Variants in VPS13B observed in about 807,000 individuals in gnomAD.
VPS13B encodes the protein vacuolar protein sorting 13 homolog B.
In VPS13B, 285 loss-of-function variants were observed where a neutral mutation model predicts 426.4. That is an observed-to-expected ratio of 0.67 (90% CI 0.61 to 0.74). VPS13B has a LOEUF of 0.74. Ranked by LOEUF, VPS13B falls within the 30% of genes least tolerant of loss-of-function variation. The pLI is 0.00. For missense variants in VPS13B, 4,537 were observed against 4,782.6 expected (o/e 0.95, Z 1.51); for synonymous variants, 1,676 against 1,676.4 (o/e 1.00, Z 0.01).
intron 13 of VPS13B, among the ~76,000 whole-genome samples, chr8:99,143,656 A>C (rs975291071): frequency 4.6e-5 from 7 of 152,236 alleles, no homozygotes; most frequent in African/African-American, 1.7e-4. Context: ...ACTCTAGAGT[A>C]GAGCATAATA....
At chr8:99,862,654 C>T (rs776968931) in intron 58 of VPS13B, among the ~76,000 whole-genome samples, 12 of 152,300 alleles carry the variant, frequency 7.9e-5, no homozygotes, top group South Asian at 2.1e-4. Flanking sequence ...GTGCCTTCCG[C>T]GCATCTGAGG....
At chr8:99,325,528 C>A (rs1252494981) in intron 19 of VPS13B, among the ~76,000 whole-genome samples, 2 of 152,194 alleles carry the variant, frequency 1.3e-5, no homozygotes, top group African/African-American at 4.8e-5. Context: ...ACCTCCCTAT[C>A]AAAGGCAATT....
In VPS13B at chr8:99,214,381, A is replaced by G. The variant is rs144300031; in HGVS notation, c.2515+21324A>G. Among the ~76,000 whole-genome samples the G allele has an allele frequency of 3.8e-3, 580 of 152,312 alleles. 2 individuals carry two copies. The highest frequency in any genetic ancestry group is 0.024 in the Middle Eastern group (7 of 294). On this transcript the variant is annotated intron_variant, in intron 17 of 61. Coordinates refer to ENST00000357162, the MANE Select transcript of VPS13B (RefSeq NM_152564.5). ...TAGCTTATAGCCTTGTACTTTTCAT[A>G]TGGTGCCTATTTCAAACATTGTACT...
Position 99,875,354 on chromosome 8 carries a change from C to CTAA in VPS13B, c.11746-62_11746-60dup, listed in dbSNP as rs1394029801. ...GTACAAATATATCGAGGCAAAAGAA[C>CTAA]TAATTTTGTTCTGGAACTCTCGTAA... On this transcript the variant is annotated intron_variant, in intron 61 of 61. Coordinates refer to ENST00000357162, the MANE Select transcript of VPS13B (RefSeq NM_152564.5). 6 of 1,610,440 alleles carry CTAA rather than the reference C, an allele frequency of 3.7e-6. No homozygotes were observed. The African/African-American group carries it at 6.7e-5, about 18-fold the overall frequency.
chr8:99,484,686 T>G (rs1460960806), intron 25 of VPS13B, among the ~76,000 whole-genome samples: 2 of 152,084 alleles, frequency 1.3e-5, no homozygotes, highest in Non-Finnish European at 2.9e-5. Context: ...TTAATCTTAA[T>G]CTACCTGTAA....
rs2130992237 is a variant in VPS13B, at chr8:99,876,092, G to A, written c.*426G>A. ...AAAATCTCTACTGTAATTAATTTGG[G>A]TCTATTATTAACTCTCTGTTCCATC... is the stretch of plus-strand genomic sequence containing the variant. On this transcript the variant is annotated 3_prime_UTR_variant, in exon 62 of 62. Coordinates refer to ENST00000357162, the MANE Select transcript of VPS13B (RefSeq NM_152564.5). 1 of 175,442 alleles carries A rather than the reference G, an allele frequency of 5.7e-6. No individual in the cohort carries two copies. The highest frequency in any genetic ancestry group is 1.0e-5 in the Non-Finnish European group (1 of 98,564). The allele number at this position is 175,442 out of a possible 1,614,324, so 10.9% of individuals were successfully genotyped here.
At chr8:99,591,252 G>C (rs1455510750) in intron 33 of VPS13B, among the ~76,000 whole-genome samples, 2 of 129,464 alleles carry the variant, frequency 1.5e-5, no homozygotes, top group Admixed American at 1.8e-4. Flanking sequence ...CTCTGCATTT[G>C]AGATGGGTCT....
intron 17 of VPS13B, among the ~76,000 whole-genome samples, chr8:99,226,134 T>A (rs1317955765): frequency 2.0e-5 from 3 of 152,058 alleles, no homozygotes; most frequent in African/African-American, 4.8e-5. Context: ...TTAGTAGAGA[T>A]GGGGTTTCAC....
chr8:99,149,003 A>G (rs1810907694), intron 14 of VPS13B, among the ~76,000 whole-genome samples: 2 of 152,246 alleles, frequency 1.3e-5, no homozygotes, highest in African/African-American at 2.4e-5. Context: ...GCAGCTCCTC[A>G]CAAGACCACA....
chr8:99,445,025 G>A (rs1230444324), intron 23 of VPS13B, among the ~76,000 whole-genome samples: 4 of 151,768 alleles, frequency 2.6e-5, no homozygotes, highest in East Asian at 3.9e-4. Context: ...CACCATATTG[G>A]CCAGGCTGGT....
chr8:99,872,971 T>C (rs758840805), intron 61 of VPS13B, among the ~76,000 whole-genome samples: 13 of 152,324 alleles, frequency 8.5e-5, no homozygotes, highest in African/African-American at 1.2e-4. Context: ...CTGCTTCAAG[T>C]TGATGACTTT....
intron 14 of VPS13B, among the ~76,000 whole-genome samples, chr8:99,148,827 G>A (rs535327313): frequency 6.6e-6 from 1 of 152,350 alleles, no homozygotes; most frequent in African/African-American, 2.4e-5. Flanking sequence ...GTACATGGTG[G>A]GGCACCCTGT....
At chr8:99,681,233 G>T (rs1302756312) in intron 35 of VPS13B, among the ~76,000 whole-genome samples, 1 of 152,144 alleles carries the variant, frequency 6.6e-6, no homozygotes. Context: ...CTGTCTTTTG[G>T]TGGACCTGGT....
intron 44 of VPS13B, among the ~76,000 whole-genome samples, chr8:99,816,071 C>T (rs977676514): frequency 2.7e-5 from 4 of 149,032 alleles, no homozygotes; most frequent in African/African-American, 1.0e-4. Flanking sequence ...ACCTTGGCCT[C>T]TACCAGGCCC....
At chr8:99,470,167 G>A (rs935633372) in intron 24 of VPS13B, among the ~76,000 whole-genome samples, 2 of 152,124 alleles carry the variant, frequency 1.3e-5, no homozygotes, top group African/African-American at 4.8e-5. Context: ...AGCTTCTTTA[G>A]ACACTTTATC....
intron 39 of VPS13B, among the ~76,000 whole-genome samples, chr8:99,722,868 T>G (rs1833187763): frequency 6.6e-6 from 1 of 152,180 alleles, no homozygotes; most frequent in Non-Finnish European, 1.5e-5. Context: ...TCAATCAACA[T>G]GAAAATACGC....
chr8:99,608,453 T>C (rs1397162890), intron 33 of VPS13B, among the ~76,000 whole-genome samples: 1 of 152,152 alleles, frequency 6.6e-6, no homozygotes, highest in African/African-American at 2.4e-5. Context: ...CTATCCACAT[T>C]ATTGACTGAA....
chr8:99,225,288 T>G (rs1588153837), intron 17 of VPS13B, among the ~76,000 whole-genome samples: 1 of 152,258 alleles, frequency 6.6e-6, no homozygotes, highest in Middle Eastern at 3.4e-3. Context: ...TTCTTTTTTT[T>G]TTGTTTTTTG....
chr8:99,531,929 T>C (rs1222411926), intron 30 of VPS13B, among the ~76,000 whole-genome samples: 4 of 152,168 alleles, frequency 2.6e-5, no homozygotes. Flanking sequence ...AAATAGTGAT[T>C]GTAACATAAT....
Sources: allele counts gnomAD v4.1 joint callset (sites outside exome capture counted in the v4.1 genomes callset), GRCh38; gene constraint gnomAD v4.1.1; transcripts MANE v1.5; gene names NCBI Gene and HGNC (gene_info 2026-07-23, HGNC 2026-07-21).